MACROD2: variants seen among roughly 807,000 people sequenced by gnomAD.
MACROD2 encodes the protein ADP-ribose glycohydrolase MACROD2.
A neutral mutation model predicts 70.4 loss-of-function variants in MACROD2; 36 were observed. The ratio of observed to expected loss-of-function variants is 0.51; its 90% CI spans 0.39 to 0.68. MACROD2 has a LOEUF of 0.68. MACROD2 is among the 30% of genes least tolerant of loss of function. The probability of loss-of-function intolerance (pLI) is 0.00; values close to 1 mark genes in which losing one functional copy is unlikely to be tolerated. For missense variants in MACROD2, 496 were observed against 538.4 expected (o/e 0.92, Z 0.78); for synonymous variants, 172 against 178.8 (o/e 0.96, Z 0.30).
At chr20:15,995,818 T>A (rs951208030) in intron 15 of MACROD2, among the ~76,000 whole-genome samples, 9 of 151,088 alleles carry the variant, frequency 6.0e-5, no homozygotes, top group Non-Finnish European at 1.2e-4. Flanking sequence ...CCATTATACA[T>A]ATATATTCCA....
rs552379789 is a variant in MACROD2 at position 15,065,670 on chromosome 20, A to G, written c.419-164270A>G. On this transcript the variant is annotated intron_variant, in intron 5 of 17. Coordinates refer to ENST00000684519, the MANE Select transcript of MACROD2 (RefSeq NM_001351661.2). Reference sequence around the variant, plus strand: ...CTCCGTCTCCAAAAAAAAAAAAAAAAAGAGAAAGTAATTTACAGTTTTATT... The same window carrying G: ...CTCCGTCTCCAAAAAAAAAAAAAAAGAGAGAAAGTAATTTACAGTTTTATT... Among the ~76,000 whole-genome samples the G allele has an allele frequency of 5.9e-3, 899 of 151,966 alleles. 10 individuals carry two copies. The highest frequency in any genetic ancestry group is 0.017 in the African/African-American group (724 of 41,466).
intron 5 of MACROD2, among the ~76,000 whole-genome samples, chr20:14,779,250 G>A (rs763826336): frequency 3.9e-5 from 6 of 152,154 alleles, no homozygotes; most frequent in Admixed American, 6.5e-5. Flanking sequence ...AATTGTGGTC[G>A]TCTAATTTGC....
intron 5 of MACROD2, among the ~76,000 whole-genome samples, chr20:14,966,996 G>A (rs6043029): frequency 0.022 from 3,347 of 151,686 alleles, 138 homozygotes; most frequent in African/African-American, 0.076. Flanking sequence ...ATAATTTATG[G>A]TATGTGTGTA....
At chr20:15,181,457 A>G (rs981786106) in intron 5 of MACROD2, among the ~76,000 whole-genome samples, 1 of 152,202 alleles carries the variant, frequency 6.6e-6, no homozygotes, top group African/African-American at 2.4e-5. Flanking sequence ...TGCTTGTCCA[A>G]AGTACTCAAC....
chr20:14,955,608 A>G (rs1465536655), intron 5 of MACROD2, among the ~76,000 whole-genome samples: 1 of 152,074 alleles, frequency 6.6e-6, no homozygotes, highest in East Asian at 1.9e-4. Context: ...CTCATCTACC[A>G]GTGTTCACCC....
At chr20:14,877,545 T>C (rs1413706310) in intron 5 of MACROD2, among the ~76,000 whole-genome samples, 1 of 152,164 alleles carries the variant, frequency 6.6e-6, no homozygotes, top group Non-Finnish European at 1.5e-5. Context: ...TTAAGGGGAA[T>C]GCTTCCAGCT....
At chr20:15,088,420 T>C (rs1468433818) in intron 5 of MACROD2, among the ~76,000 whole-genome samples, 1 of 31,390 alleles carries the variant, frequency 3.2e-5, no homozygotes, top group African/African-American at 8.8e-5. Flanking sequence ...TATATATATA[T>C]ATATATATAT....
At chr20:14,117,021 C>T (rs1008813235) in intron 3 of MACROD2, among the ~76,000 whole-genome samples, 46 of 147,978 alleles carry the variant, frequency 3.1e-4, no homozygotes, top group African/African-American at 1.1e-3. Context: ...GAGCCGAGAT[C>T]GTGCCACTGC....
chr20:15,792,918 G>A (rs549784880), intron 8 of MACROD2, among the ~76,000 whole-genome samples: 1 of 152,054 alleles, frequency 6.6e-6, no homozygotes, highest in African/African-American at 2.4e-5. Context: ...ATCACATAAC[G>A]GACCTGGCTG....
Position 15,593,477 on chromosome 20 carries a change from T to C in MACROD2, c.645+93630T>C, listed in dbSNP as rs117184747. Among the ~76,000 whole-genome samples the C allele has an allele frequency of 6.1e-3, 933 of 152,350 alleles. 3 individuals carry two copies. The highest frequency in any genetic ancestry group is 8.9e-3 in the Non-Finnish European group (608 of 68,026). Reference sequence around the variant, plus strand: ...ATGGCATTTATTGCTAATTGTAAACTACCCTCATAACAAAGGCAGACATTA... The same window carrying C: ...ATGGCATTTATTGCTAATTGTAAACCACCCTCATAACAAAGGCAGACATTA... On this transcript the variant is annotated intron_variant, in intron 8 of 17. Coordinates refer to ENST00000684519, the MANE Select transcript of MACROD2 (RefSeq NM_001351661.2).
At chr20:15,683,793 TG>T (rs1209833946) in intron 8 of MACROD2, among the ~76,000 whole-genome samples, 1 of 152,184 alleles carries the variant, frequency 6.6e-6, no homozygotes, top group African/African-American at 2.4e-5. Flanking sequence ...TCGGCCATGC[TG>T]GTCTCGAACT....
At chr20:15,037,132 G>A (rs775281060) in intron 5 of MACROD2, among the ~76,000 whole-genome samples, 9 of 152,100 alleles carry the variant, frequency 5.9e-5, no homozygotes, top group African/African-American at 1.7e-4. Context: ...GTACTTATGC[G>A]GTGGCACTTT....
chr20:15,360,275 T>A (rs926755665), intron 6 of MACROD2, among the ~76,000 whole-genome samples: 18 of 152,160 alleles, frequency 1.2e-4, no homozygotes, highest in Admixed American at 7.2e-4. Context: ...AGTTTTGTTG[T>A]TTCCACTTTT....
intron 4 of MACROD2, among the ~76,000 whole-genome samples, chr20:14,671,589 T>C (rs915699995): frequency 3.9e-5 from 6 of 152,164 alleles, no homozygotes; most frequent in Admixed American, 3.9e-4. Flanking sequence ...AGATGAAGAA[T>C]GCTAGTGTGT....
At chr20:14,720,068 A>C (rs1170437133) in intron 5 of MACROD2, among the ~76,000 whole-genome samples, 1 of 152,154 alleles carries the variant, frequency 6.6e-6, no homozygotes, top group Non-Finnish European at 1.5e-5. Flanking sequence ...TATAATATAA[A>C]ACAGAGGATG....
chr20:15,538,986 G>A lies in MACROD2; in HGVS notation c.645+39139G>A, dbSNP rs185220467. Among the ~76,000 whole-genome samples the A allele has an allele frequency of 3.8e-4, 58 of 151,862 alleles. No individual in the cohort carries two copies. In the East Asian group the frequency reaches 6.0e-3, roughly 16 times the overall value. On this transcript the variant is annotated intron_variant, in intron 8 of 17. Transcript: ENST00000684519. ...ACCTAATAAATAATATGTCTATATC[G>A]CATAAAGTATAAATTATAAATATAT...
chr20:14,562,226 T>A (rs556676645), intron 4 of MACROD2, among the ~76,000 whole-genome samples: 1 of 151,848 alleles, frequency 6.6e-6, no homozygotes, highest in Non-Finnish European at 1.5e-5. Flanking sequence ...CTCGTCTACA[T>A]GGAAAGAGAT....
At chr20:15,819,688 T>G (rs2063918480) in intron 8 of MACROD2, among the ~76,000 whole-genome samples, 1 of 151,832 alleles carries the variant, frequency 6.6e-6, no homozygotes, top group Admixed American at 6.6e-5. Context: ...AATTATTGCA[T>G]AATCTCACTT....
At chr20:14,811,799 T>A (rs1349275555) in intron 5 of MACROD2, among the ~76,000 whole-genome samples, 1 of 152,036 alleles carries the variant, frequency 6.6e-6, no homozygotes, top group Non-Finnish European at 1.5e-5. Context: ...AAAGAAGACA[T>A]TTGTGTGGCC....
Sources: allele counts gnomAD v4.1 joint callset (sites outside exome capture counted in the v4.1 genomes callset), GRCh38; gene constraint gnomAD v4.1.1; transcripts MANE v1.5; gene names NCBI Gene and HGNC (gene_info 2026-07-23, HGNC 2026-07-21).